Variants in THUMPD2 observed in about 807,000 individuals in gnomAD.
THUMPD2 encodes the protein U6 snRNA (guanine-N(2))-methyltransferase THUMPD2.
In THUMPD2, 56 loss-of-function variants were observed where a neutral mutation model predicts 49.4. That is an observed-to-expected ratio of 1.13 (90% confidence interval 0.91 to 1.41). The LOEUF is 1.41. Ranked by LOEUF, THUMPD2 falls within the 40% of genes most tolerant of loss-of-function variation. The probability of loss-of-function intolerance (pLI) is 0.00; values close to 1 mark genes in which losing one functional copy is unlikely to be tolerated. For missense variants in THUMPD2, 709 were observed against 594.5 expected, an observed-to-expected ratio of 1.19 and a Z score of -2.00; for synonymous variants, 237 against 205.2, an observed-to-expected ratio of 1.15 and a Z score of -1.32.
intron 1 of THUMPD2, among the ~76,000 whole-genome samples, chr2:39,774,509 G>A (rs941900913): frequency 6.6e-6 from 1 of 152,138 alleles, no homozygotes; most frequent in Admixed American, 6.5e-5. Flanking sequence ...ATTAAATGAG[G>A]ACTTACTGTA....
chr2:39,762,687 T>C (rs1028795762), intron 5 of THUMPD2, among the ~76,000 whole-genome samples: 1 of 151,322 alleles, frequency 6.6e-6, no homozygotes, highest in East Asian at 1.9e-4. Context: ...TTAGCAATTA[T>C]CTTGCTATAA....
At position 39,736,773 on chromosome 2, in the gene THUMPD2, T is replaced by C. The variant is rs1484298421; in HGVS notation, c.1474A>G (p.Ile492Val). 3.1e-6 allele frequency: 5 copies of C among 1,614,102 alleles called. No individual in the cohort carries two copies. In the South Asian group the frequency reaches 5.5e-5, roughly 18 times the overall value. ...GAGTGCGACTTCTTATATTTACATA[T>C]GAACGCATCTGTCTTTCCAAGGCTA... ...KVSLGKTDAF[I>V]CKYKKSHSSG... is the part of the protein sequence containing the mutation. Residue 492 changes from isoleucine to valine, a missense_variant, in exon 10 of 10, where the codon ATA (isoleucine) becomes GTA (valine). Transcript: ENST00000505747.
At chr2:39,755,769 A>T in intron 7 of THUMPD2, 120 bp downstream of exon 7, 1 of 780,970 alleles carries the variant, frequency 1.3e-6, no homozygotes. Context: ...AGTAAATAAT[A>T]ACTCATATAA....
intron 8 of THUMPD2, among the ~76,000 whole-genome samples, chr2:39,752,347 C>G (rs932310438): frequency 6.6e-6 from 1 of 152,104 alleles, no homozygotes; most frequent in Admixed American, 6.5e-5. Context: ...GATGGTGGAG[C>G]TAGGATTTAT....
intron 8 of THUMPD2, among the ~76,000 whole-genome samples, chr2:39,749,427 A>T (rs977269373): frequency 1.3e-5 from 2 of 152,222 alleles, no homozygotes; most frequent in Admixed American, 6.5e-5. Context: ...CATTTTGCTT[A>T]GGTGCATAAC....
intron 8 of THUMPD2, among the ~76,000 whole-genome samples, chr2:39,744,810 T>G (rs1674353873): frequency 1.3e-5 from 2 of 152,128 alleles, no homozygotes; most frequent in Non-Finnish European, 2.9e-5. Context: ...CCTAGAAAAA[T>G]CTTCCACAAA....
At chr2:39,755,697 A>G (rs551588391) in intron 7 of THUMPD2, among the ~76,000 whole-genome samples, 192 bp downstream of exon 7, 21 of 152,308 alleles carry the variant, frequency 1.4e-4, no homozygotes. Flanking sequence ...ATTTTCCTAA[A>G]TTTATCATAG....
rs775092410 is a variant in THUMPD2, at chr2:39,770,014, T to C, written c.368A>G (p.Glu123Gly). ...KNLLELDAKKEKLSQRDDNQL... is the reference protein window; with the variant it reads ...KNLLELDAKKGKLSQRDDNQL... Reference sequence around the variant, plus strand: ...GTTATCATCTCTCTGAGAAAGTTTTTCCTTTTTTGCATCAAGTTCAAGAAG... The same window carrying C: ...GTTATCATCTCTCTGAGAAAGTTTTCCCTTTTTTGCATCAAGTTCAAGAAG... The change falls in exon 3 of 10, where the codon GAA becomes GGA. Residue 123 changes from glutamate (E) to glycine (G), a missense_variant. By Grantham distance (98) the Glu-to-Gly change is moderately conservative. Coordinates refer to ENST00000505747, the MANE Select transcript of THUMPD2 (RefSeq NM_025264.5). 6.3e-7 allele frequency: 1 copy of C among 1,577,228 alleles called. No homozygotes were observed. Among genetic ancestry groups the C allele is most frequent in the Admixed American group, 2.0e-5 (1 of 49,134 alleles).
chr2:39,751,962 T>C (rs1032538611), intron 8 of THUMPD2, among the ~76,000 whole-genome samples: 3 of 152,150 alleles, frequency 2.0e-5, no homozygotes, highest in Non-Finnish European at 4.4e-5. Context: ...GCTGGGATTA[T>C]AGGCATAAAG....
In THUMPD2 at chr2:39,737,004, G is replaced by T; in HGVS notation, c.1243C>A (p.Arg415Ser). The T allele has an allele frequency of 1.2e-6, 2 of 1,613,860 alleles. No homozygotes were observed. Among genetic ancestry groups the T allele is most frequent in the Non-Finnish European group, 1.7e-6 (2 of 1,179,960 alleles). Residue 415 changes from arginine (R) to serine (S), a missense_variant, in exon 10 of 10, where the codon CGC becomes AGC. Arg to Ser is a moderately radical substitution (Grantham distance 110). Transcript: ENST00000505747. ...TTGCTCTCTTTACAATCTGTAAGGC[G>T]CCTGTGGTGATCTTCACTAAGCAAC... is the stretch of plus-strand genomic sequence containing the variant. The part of the protein sequence containing the change: ...VLLLSEDHHR[R>S]LTDCKESNIP...
At chr2:39,767,603 CAAAAAAA>C (rs57906396) in intron 4 of THUMPD2, among the ~76,000 whole-genome samples, 1 of 67,852 alleles carries the variant, frequency 1.5e-5, no homozygotes, top group Non-Finnish European at 2.5e-5. Flanking sequence ...GACTCCGTCT[CAAAAAAA>C]AAAAAAAAAA....
At chr2:39,768,523 G>C (rs1345911245) in intron 3 of THUMPD2, 22 bp from the exon 4 acceptor site, 5 of 1,579,290 alleles carry the variant, frequency 3.2e-6, no homozygotes, top group East Asian at 4.5e-5. Flanking sequence ...CCAAGTTAAA[G>C]AAAAGAATAC....
rs200625021 is a variant in THUMPD2 at position 39,738,612 on chromosome 2, T to TA, written c.1188-1554dup. Among the ~76,000 whole-genome samples the TA allele has an allele frequency of 2.4e-5, 3 of 124,556 alleles. No individual in the cohort carries two copies. In the South Asian group the frequency reaches 7.1e-4, roughly 30 times the overall value. The allele number at this position is 124,556 out of a possible 152,430, so 81.7% of individuals were successfully genotyped here. On this transcript the variant is annotated intron_variant, in intron 9 of 9. Coordinates refer to ENST00000505747, the MANE Select transcript of THUMPD2 (RefSeq NM_025264.5). Reference sequence around the variant, plus strand: ...ACATACATATGTAAAAATATATATATAATATATATTATATATTTACATATA... The same window carrying TA: ...ACATACATATGTAAAAATATATATATAAATATATATTATATATTTACATATA...
intron 9 of THUMPD2, 56 bp downstream of exon 9, chr2:39,744,314 T>C (rs1423485405): frequency 1.9e-6 from 2 of 1,031,616 alleles, no homozygotes; most frequent in Non-Finnish European, 2.8e-6. Flanking sequence ...CTATGATGTA[T>C]TTCGGTTAAA....
At chr2:39,773,703 C>G (rs903192729) in intron 1 of THUMPD2, among the ~76,000 whole-genome samples, 1 of 150,314 alleles carries the variant, frequency 6.7e-6, no homozygotes, top group African/African-American at 2.4e-5. Flanking sequence ...TTAAGAGGAC[C>G]CAAAAAGTTT....
Position 39,755,495 on chromosome 2 carries a change from G to A in THUMPD2, c.964-86C>T, listed in dbSNP as rs1675980849. The A allele has an allele frequency of 3.8e-5, 33 of 869,754 alleles. No homozygotes were observed. In the South Asian group the frequency reaches 5.8e-4, roughly 15 times the overall value. The allele number at this position is 869,754 out of a possible 1,614,324, so 53.9% of individuals were successfully genotyped here. On this transcript the variant is annotated intron_variant, in intron 7 of 9. Transcript: ENST00000505747. Reference sequence around the variant, plus strand: ...AAAATCGACTTGCATTTTCTCAAATGACAAGTGAAATTAGTAGATTTTAAA... The same window carrying A: ...AAAATCGACTTGCATTTTCTCAAATAACAAGTGAAATTAGTAGATTTTAAA...
At chr2:39,770,892 A>G (rs1297933412) in intron 2 of THUMPD2, among the ~76,000 whole-genome samples, 1 of 152,086 alleles carries the variant, frequency 6.6e-6, no homozygotes, top group Non-Finnish European at 1.5e-5. Context: ...ATTCAAATTG[A>G]AGTTTACGGC....
chr2:39,751,781 T>C (rs1675439856), intron 8 of THUMPD2, among the ~76,000 whole-genome samples: 1 of 148,054 alleles, frequency 6.8e-6, no homozygotes, highest in African/African-American at 2.5e-5. Context: ...ACCTCTTAGG[T>C]TCAAGCGATT....
intron 8 of THUMPD2, among the ~76,000 whole-genome samples, chr2:39,747,933 T>C (rs865976286): frequency 6.6e-6 from 1 of 152,172 alleles, no homozygotes; most frequent in Non-Finnish European, 1.5e-5. Flanking sequence ...TACAAATTTA[T>C]CCAATTACAA....
Sources: gnomAD v4.1 joint callset for allele counts (sites outside exome capture counted in the v4.1 genomes callset) on GRCh38, gnomAD v4.1.1 for gene constraint, MANE v1.5 for transcripts, NCBI Gene and HGNC (gene_info 2026-07-23, HGNC 2026-07-21) for gene names.